The following GPC5 variants were observed in gnomAD, a reference collection of about 807,000 sequenced individuals.
GPC5 encodes the protein glypican-5.
Under a neutral mutation model 53.9 loss-of-function variants are expected in GPC5, and 47 were observed. The observed-to-expected ratio is 0.87, with a 90% CI of 0.69 to 1.11. The LOEUF (loss-of-function observed/expected upper bound fraction) is 1.11. Among genes scored for constraint, GPC5 ranks in the 50% most tolerant of loss-of-function variants. The pLI is 0.00. For missense variants in GPC5, 748 were observed against 713.1 expected, an observed-to-expected ratio of 1.05 and a Z score of -0.56; for synonymous variants, 286 against 263.3, an observed-to-expected ratio of 1.09 and a Z score of -0.84.
intron 7 of GPC5, among the ~76,000 whole-genome samples, chr13:92,756,024 C>A (rs1405473849): frequency 2.6e-5 from 4 of 151,938 alleles, no homozygotes; most frequent in African/African-American, 9.7e-5. Flanking sequence ...AGAGACACAA[C>A]CAAAAAAGAG....
At chr13:91,985,624 G>T (rs1358128256) in intron 6 of GPC5, among the ~76,000 whole-genome samples, 1 of 151,928 alleles carries the variant, frequency 6.6e-6, no homozygotes, top group Non-Finnish European at 1.5e-5. Flanking sequence ...AGTTAAATTT[G>T]TTTTCAATGT....
intron 3 of GPC5, among the ~76,000 whole-genome samples, chr13:91,696,532 T>G (rs1413853186): frequency 6.6e-6 from 1 of 152,198 alleles, no homozygotes; most frequent in Non-Finnish European, 1.5e-5. Flanking sequence ...TCGATGAATT[T>G]AACAAATTCA....
At chr13:92,081,114 T>C (rs1350001538) in intron 6 of GPC5, among the ~76,000 whole-genome samples, 2 of 152,186 alleles carry the variant, frequency 1.3e-5, no homozygotes, top group African/African-American at 4.8e-5. Context: ...TTTTATTTTA[T>C]TTTATTTTTT....
chr13:91,582,243 A>G (rs943195477), intron 2 of GPC5, among the ~76,000 whole-genome samples: 3 of 152,216 alleles, frequency 2.0e-5, no homozygotes, highest in Non-Finnish European at 4.4e-5. Context: ...TGGAAACCAG[A>G]CATAGAACAA....
intron 7 of GPC5, among the ~76,000 whole-genome samples, chr13:92,537,494 C>G (rs1001638445): frequency 5.9e-5 from 9 of 152,094 alleles, no homozygotes; most frequent in African/African-American, 1.9e-4. Context: ...TATGCACAGG[C>G]TTATCTGAAT....
intron 1 of GPC5, among the ~76,000 whole-genome samples, chr13:91,409,713 G>A (rs943316520): frequency 6.0e-5 from 9 of 151,102 alleles, no homozygotes; most frequent in African/African-American, 2.2e-4. Context: ...TTTTTCTCCC[G>A]ACTTTCATAT....
At chr13:92,588,555 A>T (rs550571120) in intron 7 of GPC5, among the ~76,000 whole-genome samples, 15 of 152,222 alleles carry the variant, frequency 9.9e-5, no homozygotes, top group Admixed American at 6.5e-4. Context: ...GATAGCTATG[A>T]GCTTGTTGTT....
intron 7 of GPC5, among the ~76,000 whole-genome samples, chr13:92,857,328 T>G (rs1879032594): frequency 6.6e-6 from 1 of 152,016 alleles, no homozygotes; most frequent in African/African-American, 2.4e-5. Context: ...GAAAATGGAT[T>G]AAAGACCTAA....
chr13:92,100,264 G>T (rs543328540), intron 6 of GPC5, among the ~76,000 whole-genome samples: 1 of 152,066 alleles, frequency 6.6e-6, no homozygotes, highest in Non-Finnish European at 1.5e-5. Context: ...TTAGCCAGGC[G>T]TGGTGGCAGG....
intron 2 of GPC5, among the ~76,000 whole-genome samples, chr13:91,542,641 G>T (rs1413273361): frequency 6.6e-6 from 1 of 152,112 alleles, no homozygotes; most frequent in East Asian, 1.9e-4. Context: ...CTCGTCATGT[G>T]TTCCATCCGG....
chr13:91,712,854 G>A (rs905500925), intron 3 of GPC5, among the ~76,000 whole-genome samples: 2 of 151,638 alleles, frequency 1.3e-5, no homozygotes, highest in Non-Finnish European at 2.9e-5. Flanking sequence ...AAAAAAAAAA[G>A]AGATCATGTT....
At chr13:92,672,242 T>C (rs1355730621) in intron 7 of GPC5, among the ~76,000 whole-genome samples, 1 of 152,156 alleles carries the variant, frequency 6.6e-6, no homozygotes, top group African/African-American at 2.4e-5. Flanking sequence ...GCTCAGAAAA[T>C]TATGTATTAA....
chr13:91,650,428 T>G (rs2034671013), intron 2 of GPC5, among the ~76,000 whole-genome samples: 1 of 152,134 alleles, frequency 6.6e-6, no homozygotes. Flanking sequence ...AATATACTTC[T>G]TCATTCTGCC....
At chr13:91,965,271 T>C (rs2040170381) in intron 6 of GPC5, among the ~76,000 whole-genome samples, 1 of 152,074 alleles carries the variant, frequency 6.6e-6, no homozygotes, top group East Asian at 1.9e-4. Flanking sequence ...AACTCATAAG[T>C]ACTCAATAAT....
chr13:92,443,353 T>A (rs573594564), intron 7 of GPC5, among the ~76,000 whole-genome samples: 1 of 152,082 alleles, frequency 6.6e-6, no homozygotes, highest in African/African-American at 2.4e-5. Context: ...GACTTGGAGG[T>A]AAAAGATATC....
intron 7 of GPC5, among the ~76,000 whole-genome samples, chr13:92,303,970 G>A (rs1180185956): frequency 2.0e-5 from 3 of 152,068 alleles, no homozygotes; most frequent in Non-Finnish European, 4.4e-5. Context: ...GACTCAACAT[G>A]CTAAGGTAGC....
intron 7 of GPC5, among the ~76,000 whole-genome samples, chr13:92,610,825 G>C (rs1884409925): frequency 6.6e-6 from 1 of 152,012 alleles, no homozygotes; most frequent in African/African-American, 2.4e-5. Flanking sequence ...GATTTCATGG[G>C]AACTCACTCA....
At chr13:91,975,209 G>T (rs1265625708) in intron 6 of GPC5, among the ~76,000 whole-genome samples, 1 of 151,976 alleles carries the variant, frequency 6.6e-6, no homozygotes, top group Non-Finnish European at 1.5e-5. Flanking sequence ...CATAGGCATG[G>T]GCAAGGACTT....
intron 7 of GPC5, among the ~76,000 whole-genome samples, chr13:92,638,531 C>G (rs1272804114): frequency 2.0e-5 from 3 of 150,698 alleles, no homozygotes; most frequent in South Asian, 2.1e-4. Context: ...CTCTTCCCCC[C>G]ATCCCAAGTC....
Sources: allele counts gnomAD v4.1 joint callset (sites outside exome capture counted in the v4.1 genomes callset), GRCh38; gene constraint gnomAD v4.1.1; transcripts MANE v1.5; gene names NCBI Gene and HGNC (gene_info 2026-07-23, HGNC 2026-07-21).